The following KCNG2 variants were observed in gnomAD, a reference collection of about 807,000 sequenced individuals.
KCNG2 encodes voltage-gated potassium channel regulatory subunit KCNG2.
A neutral mutation model predicts 12.3 loss-of-function variants in KCNG2; 7 were observed. The ratio of observed to expected loss-of-function variants is 0.57; its 90% CI spans 0.32 to 1.07. KCNG2 has a LOEUF of 1.07. Ranked by LOEUF, KCNG2 falls within the 50% of genes least tolerant of loss-of-function variation. KCNG2 has a pLI of 0.04. For synonymous variants in KCNG2, 414 were observed against 351.4 expected, an observed-to-expected ratio of 1.18 and a Z score of -1.99; for missense variants, 703 against 726.0, an observed-to-expected ratio of 0.97 and a Z score of 0.36.
intron 1 of KCNG2, among the ~76,000 whole-genome samples, chr18:79,807,701 CACTCTGAGAAGTT>C (rs2122990890): frequency 6.6e-6 from 1 of 152,258 alleles, no homozygotes; most frequent in East Asian, 1.9e-4. Context: ...CCAGAGTCCG[CACTCTGAGAAGTT>C]GCTCCGGCGC....
At chr18:79,832,489 C>T (rs994702801) in intron 1 of KCNG2, among the ~76,000 whole-genome samples, 2 of 152,096 alleles carry the variant, frequency 1.3e-5, no homozygotes, top group African/African-American at 2.4e-5. Context: ...CCTCACCTGC[C>T]CTTCCTCACC....
intron 1 of KCNG2, among the ~76,000 whole-genome samples, chr18:79,821,383 A>G (rs1224630868): frequency 6.9e-6 from 1 of 145,142 alleles, no homozygotes; most frequent in Non-Finnish European, 1.5e-5. Flanking sequence ...TCTGCCTCCC[A>G]GGTTCAAATG....
intron 1 of KCNG2, among the ~76,000 whole-genome samples, chr18:79,842,880 A>C (rs1431903518): frequency 6.6e-6 from 1 of 152,202 alleles, no homozygotes; most frequent in Non-Finnish European, 1.5e-5. Flanking sequence ...AAATCAATAT[A>C]TGCATTATAG....
Position 79,800,086 on chromosome 18 carries a change from C to A in KCNG2, c.-115+2072C>A, listed in dbSNP as rs1004464113. Among the ~76,000 whole-genome samples, 1 of 152,066 alleles carries A rather than the reference C, an allele frequency of 6.6e-6. No individual in the cohort carries two copies. The highest frequency in any genetic ancestry group is 1.5e-5 in the Non-Finnish European group (1 of 68,026). ...GGGTCTCAGGCAGGCACCTGGAGGG[C>A]AGCGCGAACGGAGGGCTGTTTGTCG... On this transcript the variant is annotated intron_variant, in intron 1 of 3. Coordinates refer to ENST00000316249, the MANE Select transcript of KCNG2 (RefSeq NM_012283.2). This position sits in a 1 kb window ranked among gnomAD's most constrained non-coding sequence, Gnocchi z 4.0.
chr18:79,805,363 GGT>G (rs2087441198), intron 1 of KCNG2, among the ~76,000 whole-genome samples: 5 of 152,208 alleles, frequency 3.3e-5, no homozygotes, highest in Admixed American at 3.3e-4. Context: ...CGTGGCAGGA[GGT>G]GTAAGAGGAG....
intron 1 of KCNG2, among the ~76,000 whole-genome samples, chr18:79,798,294 G>A (rs894809903): frequency 3.1e-4 from 47 of 152,066 alleles, no homozygotes; most frequent in Non-Finnish European, 3.4e-4. Context: ...GGGGCGTCGG[G>A]CCGGAGGCGC....
At chr18:79,801,701 GT>G (rs2122984979) in intron 1 of KCNG2, among the ~76,000 whole-genome samples, 1 of 152,390 alleles carries the variant, frequency 6.6e-6, no homozygotes, top group East Asian at 1.9e-4. Flanking sequence ...TGTGGCAGCA[GT>G]TTTTACTAAA....
chr18:79,882,619 GTCAC>G (rs1275729203), intron 3 of KCNG2, among the ~76,000 whole-genome samples: 29 of 152,368 alleles, frequency 1.9e-4, no homozygotes, highest in African/African-American at 6.7e-4. Context: ...CACAGGAGCT[GTCAC>G]TCACATGTTA....
chr18:79,823,887 A>C (rs1262077821), intron 1 of KCNG2, among the ~76,000 whole-genome samples: 1 of 152,058 alleles, frequency 6.6e-6, no homozygotes, highest in East Asian at 1.9e-4. Context: ...CTCGCTTTCC[A>C]TTTGTTCATG....
chr18:79,812,301 C>A (rs910139808), intron 1 of KCNG2, among the ~76,000 whole-genome samples: 1 of 152,132 alleles, frequency 6.6e-6, no homozygotes, highest in Admixed American at 6.5e-5. Flanking sequence ...AGGTTTATAA[C>A]ATCCAGTGCT....
chr18:79,873,884 C>G (rs1032857731), intron 3 of KCNG2, among the ~76,000 whole-genome samples: 1 of 152,238 alleles, frequency 6.6e-6, no homozygotes, highest in Non-Finnish European at 1.5e-5. Flanking sequence ...GAGGCGCTGG[C>G]CTCGCTGCTG....
chr18:79,824,196 G>A (rs544336566), intron 1 of KCNG2, among the ~76,000 whole-genome samples: 26 of 152,246 alleles, frequency 1.7e-4, no homozygotes, highest in Middle Eastern at 3.4e-3. Context: ...ACAGGGTTTC[G>A]CCATTTTGCC....
At chr18:79,887,916 G>A (rs948844394) in intron 3 of KCNG2, among the ~76,000 whole-genome samples, 4 of 152,168 alleles carry the variant, frequency 2.6e-5, no homozygotes, top group Admixed American at 1.3e-4. Context: ...AGGCTGCAGA[G>A]GGAGGCGAAT....
chr18:79,848,090 GCTT>G lies in KCNG2; in HGVS notation c.-114-8286_-114-8284del, dbSNP rs1418506050. Among the ~76,000 whole-genome samples the G allele has an allele frequency of 3.3e-5, 5 of 152,310 alleles. No individual in the cohort carries two copies. In the South Asian group the frequency reaches 8.3e-4, roughly 25 times the overall value. On this transcript the variant is annotated intron_variant, in intron 1 of 3. Coordinates refer to ENST00000316249, the MANE Select transcript of KCNG2 (RefSeq NM_012283.2). ...GCCCTGAGCACAGCGAACTTGCAGA[GCTT>G]CTCCCGGTGAAGGCAGAATGTCTGA... is the stretch of plus-strand genomic sequence containing the variant.
At chr18:79,846,087 T>C (rs1348715495) in intron 1 of KCNG2, among the ~76,000 whole-genome samples, 1 of 116,524 alleles carries the variant, frequency 8.6e-6, no homozygotes, top group Admixed American at 9.4e-5. Flanking sequence ...TGAGACTCTG[T>C]CTTGGCTGGG....
intron 1 of KCNG2, among the ~76,000 whole-genome samples, chr18:79,814,341 G>C (rs1397577403): frequency 6.6e-6 from 1 of 152,174 alleles, no homozygotes; most frequent in Non-Finnish European, 1.5e-5. Flanking sequence ...AACTGGAATT[G>C]TCCCAGAGAC....
chr18:79,882,304 TTCA>T (rs1395532342), intron 3 of KCNG2, among the ~76,000 whole-genome samples: 8 of 151,932 alleles, frequency 5.3e-5, no homozygotes. Context: ...AGCCCAGGAG[TTCA>T]CGACCAGCCT....
intron 3 of KCNG2, among the ~76,000 whole-genome samples, chr18:79,874,276 T>C (rs62103198): frequency 0.06 from 9,166 of 152,302 alleles, 368 homozygotes; most frequent in Middle Eastern, 0.1. Flanking sequence ...ATAGAAAAAC[T>C]ATTCCAGTCA....
intron 1 of KCNG2, among the ~76,000 whole-genome samples, chr18:79,798,857 C>T (rs967368063): frequency 2.6e-5 from 4 of 152,204 alleles, no homozygotes; most frequent in Admixed American, 6.5e-5. Context: ...GCGTCCCGAA[C>T]GTTCCCCTAA....
Sources: gnomAD v4.1 joint callset for allele counts (sites outside exome capture counted in the v4.1 genomes callset) on GRCh38, gnomAD v4.1.1 for gene constraint, Gnocchi (gnomAD v3.1) non-coding constraint, MANE v1.5 for transcripts, NCBI Gene and HGNC (gene_info 2026-07-23, HGNC 2026-07-21) for gene names.